PEMT: variants seen among roughly 807,000 people sequenced by gnomAD.
The protein encoded by PEMT is phosphatidylethanolamine N-methyltransferase.
In PEMT, 23 loss-of-function variants were observed where a neutral mutation model predicts 27.4. The observed-to-expected ratio is 0.84, with a 90% CI of 0.60 to 1.19. The LOEUF (loss-of-function observed/expected upper bound fraction) is 1.19, where lower values mean the gene tolerates loss of function less well. PEMT is among the 50% of genes most tolerant of loss of function. The pLI is 0.00. For synonymous variants in PEMT, 137 were observed against 139.1 expected, an observed-to-expected ratio of 0.98 and a Z score of 0.11; for missense variants, 307 against 310.1, an observed-to-expected ratio of 0.99 and a Z score of 0.07.
intron 1 of PEMT, among the ~76,000 whole-genome samples, chr17:17,583,583 C>G (rs1912088754): frequency 6.6e-6 from 1 of 152,256 alleles, no homozygotes; most frequent in South Asian, 2.1e-4. Context: ...CTCCCATGAC[C>G]AATCTAAGCC....
At chr17:17,586,260 G>GAAAGAAAGAAAGAAAGAAAGAAAT (rs1912279426) in intron 1 of PEMT, among the ~76,000 whole-genome samples, 4 of 107,366 alleles carry the variant, frequency 3.7e-5, no homozygotes, top group Non-Finnish European at 7.4e-5. Context: ...AAGAAAGAAA[G>GAAAGAAAGAAAGAAAGAAAGAAAT]AAAGAAAGAA....
At position 17,582,679 on chromosome 17, in the gene PEMT, G is replaced by A. The variant is rs891657207; in HGVS notation, c.97-5652C>T. ...ATGCCCTGGCACCATAAGCTGACTC[G>A]GGTAACGTTTATTTAGGGCAACTTT... On this transcript the variant is annotated intron_variant, in intron 1 of 6. Coordinates refer to ENST00000255389, the MANE Select transcript of PEMT (RefSeq NM_148172.3). This position sits in a 1 kb window ranked among gnomAD's most constrained non-coding sequence, Gnocchi z 4.9. Among the ~76,000 whole-genome samples the A allele has an allele frequency of 9.2e-5, 14 of 152,186 alleles. No homozygotes were observed. Among genetic ancestry groups the A allele is most frequent in the Non-Finnish European group, 1.5e-4 (10 of 68,042 alleles).
rs965875967 is a variant in PEMT, at chr17:17,548,555, CT to C, written c.205-26161del. Among the ~76,000 whole-genome samples the C allele has an allele frequency of 1.5e-4, 22 of 149,700 alleles. 1 individual carries two copies. The highest frequency in any genetic ancestry group is 3.9e-4 in the African/African-American group (16 of 40,922). On this transcript the variant is annotated intron_variant, in intron 2 of 6. Coordinates refer to ENST00000255389, the MANE Select transcript of PEMT (RefSeq NM_148172.3). ...TGACGGCTTCACGGTGAGCACAGGT[CT>C]TTTTTTTTTGAGACGCAGTTTCGCT...
intron 2 of PEMT, among the ~76,000 whole-genome samples, chr17:17,554,463 C>T (rs1198240379): frequency 2.6e-5 from 4 of 152,164 alleles, no homozygotes; most frequent in African/African-American, 7.2e-5. Flanking sequence ...CGGCCAACAG[C>T]GTGGGCAGCT....
At chr17:17,558,727 G>A (rs1018175220) in intron 2 of PEMT, among the ~76,000 whole-genome samples, 4 of 149,060 alleles carry the variant, frequency 2.7e-5, no homozygotes, top group Admixed American at 6.7e-5. Flanking sequence ...AGAGTGGACC[G>A]GAGCCTGGCT....
rs566239211 is a variant in PEMT, at chr17:17,556,202, C to T, written c.204+20718G>A. On this transcript the variant is annotated intron_variant, in intron 2 of 6. Transcript: ENST00000255389. ...CCTGCTCAACTGAGCATCCCTAAAA[C>T]TCAGGAACAGGTCTTCTGACTCTCA... Among the ~76,000 whole-genome samples the T allele has an allele frequency of 2.6e-5, 4 of 152,358 alleles. No individual in the cohort carries two copies. The South Asian group carries it at 8.3e-4, about 32-fold the overall frequency.
At chr17:17,565,018 C>T (rs983466359) in intron 2 of PEMT, among the ~76,000 whole-genome samples, 5 of 152,230 alleles carry the variant, frequency 3.3e-5, no homozygotes, top group African/African-American at 1.2e-4. Context: ...CAGAGCCCTG[C>T]GCCTGCCTGC....
intron 1 of PEMT, among the ~76,000 whole-genome samples, chr17:17,591,114 A>T (rs1433648112): frequency 1.3e-5 from 2 of 152,134 alleles, no homozygotes; most frequent in East Asian, 3.9e-4. Flanking sequence ...GGCCTCCTTC[A>T]CCCTCGCCCA....
chr17:17,545,018 G>A (rs1909152090), intron 2 of PEMT, among the ~76,000 whole-genome samples: 1 of 152,174 alleles, frequency 6.6e-6, no homozygotes, highest in African/African-American at 2.4e-5. Context: ...CTTGGACAAG[G>A]CACTTCCTGT....
Position 17,582,432 on chromosome 17 carries a change from G to T in PEMT, c.97-5405C>A, listed in dbSNP as rs1051254402. On this transcript the variant is annotated intron_variant, in intron 1 of 6. Coordinates refer to ENST00000255389, the MANE Select transcript of PEMT (RefSeq NM_148172.3). This position sits in a 1 kb window ranked among gnomAD's most constrained non-coding sequence, Gnocchi z 4.9. ...CTCGGGAGCAGCGCTCTGTGGTCAG[G>T]GAATGATCTGCAGTGGGTCAACATG... 4.1e-6 allele frequency: 4 copies of T among 985,320 alleles called. No individual in the cohort carries two copies. Among genetic ancestry groups the T allele is most frequent in the Non-Finnish European group, 4.8e-6 (4 of 829,944 alleles). The allele number at this position is 985,320 out of a possible 1,614,324, so 61.0% of individuals were successfully genotyped here. A position where few individuals can be genotyped will look rare whatever the true frequency, so the allele number is the denominator to read the frequency against.
chr17:17,552,459 C>G (rs1909725565), intron 2 of PEMT, among the ~76,000 whole-genome samples: 1 of 152,244 alleles, frequency 6.6e-6, no homozygotes, highest in African/African-American at 2.4e-5. Flanking sequence ...ACCACCGTCC[C>G]TCCCATCCCT....
rs539150418 is a variant in PEMT at position 17,591,446 on chromosome 17, C to T, written c.96+85G>A. 3.3e-4 allele frequency: 380 copies of T among 1,151,966 alleles called. 4 individuals carry two copies. Among genetic ancestry groups the T allele is most frequent in the Middle Eastern group, 3.1e-3 (15 of 4,866 alleles). 71.4% of individuals were successfully genotyped at this position (1,151,966 alleles called of 1,614,324 possible). On this transcript the variant is annotated intron_variant, in intron 1 of 6. Coordinates refer to ENST00000255389, the MANE Select transcript of PEMT (RefSeq NM_148172.3). ...GGGAACTGGCGGCCCCGCCCCGCAG[C>T]GTTTGAGGCGCCGCAAGCCTTCACG... is the stretch of plus-strand genomic sequence containing the variant.
intron 2 of PEMT, among the ~76,000 whole-genome samples, chr17:17,568,748 AC>A (rs1910996886): frequency 1.3e-5 from 2 of 152,146 alleles, no homozygotes; most frequent in African/African-American, 4.8e-5. Context: ...GCAAACTCAC[AC>A]TAAGGGTGGT....
intron 2 of PEMT, among the ~76,000 whole-genome samples, chr17:17,549,370 A>G (rs1909488584): frequency 6.6e-6 from 1 of 152,030 alleles, no homozygotes; most frequent in Admixed American, 6.6e-5. Flanking sequence ...TTGTATTTTT[A>G]GTAGAGATGG....
chr17:17,575,977 G>C (rs935119879), intron 2 of PEMT, among the ~76,000 whole-genome samples: 2 of 152,174 alleles, frequency 1.3e-5, no homozygotes, highest in African/African-American at 4.8e-5. Flanking sequence ...AAAACTGTCT[G>C]GAACAATGTG....
At chr17:17,548,702 C>T (rs1201554338) in intron 2 of PEMT, among the ~76,000 whole-genome samples, 1 of 152,190 alleles carries the variant, frequency 6.6e-6, no homozygotes, top group African/African-American at 2.4e-5. Context: ...GCATGCACCA[C>T]CACGCCTGGC....
intron 5 of PEMT, 69 bp downstream of exon 5, chr17:17,509,365 C>T: frequency 1.9e-6 from 2 of 1,041,032 alleles, no homozygotes; most frequent in Non-Finnish European, 2.9e-6. Flanking sequence ...GCCCCCGCGT[C>T]CTGAGCTGCA....
At chr17:17,590,040 G>GC (rs149856156) in intron 1 of PEMT, among the ~76,000 whole-genome samples, 2,427 of 139,316 alleles carry the variant, frequency 0.017, 79 homozygotes, top group African/African-American at 0.062. Context: ...CTTGCATTCT[G>GC]CCCCCCCTTC....
chr17:17,545,779 C>T (rs1453481994), intron 2 of PEMT, among the ~76,000 whole-genome samples: 1 of 152,166 alleles, frequency 6.6e-6, no homozygotes, highest in East Asian at 1.9e-4. Flanking sequence ...TGCAGAGGGA[C>T]AGGTCACAGC....
Sources: allele counts gnomAD v4.1 joint callset (sites outside exome capture counted in the v4.1 genomes callset), GRCh38; gene constraint gnomAD v4.1.1; non-coding constraint Gnocchi (gnomAD v3.1); transcripts MANE v1.5; gene names NCBI Gene and HGNC (gene_info 2026-07-23, HGNC 2026-07-21).